Variants in MOB3B observed in about 807,000 individuals in gnomAD.
The protein encoded by MOB3B is MOB kinase activator 3B, also known as MOB kinase activator-like 2B.
A neutral mutation model predicts 18.7 loss-of-function variants in MOB3B; 7 were observed. The observed-to-expected ratio is 0.37, with a 90% confidence interval of 0.21 to 0.70. The LOEUF is 0.70. Ranked by LOEUF, MOB3B falls within the 30% of genes least tolerant of loss-of-function variation. MOB3B has a pLI of 0.52. For missense variants in MOB3B, 253 were observed against 281.3 expected, an observed-to-expected ratio of 0.90 and a Z score of 0.72; for synonymous variants, 111 against 99.9, an observed-to-expected ratio of 1.11 and a Z score of -0.66.
chr9:27,444,560 C>T (rs891787824), intron 2 of MOB3B, among the ~76,000 whole-genome samples: 3 of 152,052 alleles, frequency 2.0e-5, no homozygotes, highest in Non-Finnish European at 4.4e-5. Flanking sequence ...TTATCATTTC[C>T]AGAAAACAGG....
At chr9:27,373,281 T>A (rs1232758434) in intron 2 of MOB3B, among the ~76,000 whole-genome samples, 1 of 152,206 alleles carries the variant, frequency 6.6e-6, no homozygotes, top group Non-Finnish European at 1.5e-5. Context: ...GTCTCTGACA[T>A]GTGATATGAT....
intron 1 of MOB3B, among the ~76,000 whole-genome samples, chr9:27,487,713 C>T (rs963794364): frequency 8.5e-5 from 13 of 152,078 alleles, no homozygotes; most frequent in South Asian, 6.2e-4. Context: ...AGCAAGAGTT[C>T]GAAGATTTTT....
rs113025728 is a variant in MOB3B at position 27,524,617 on chromosome 9, C to A, written c.-199+4938G>T. 1.2e-6 allele frequency: 2 copies of A among 1,614,076 alleles called. No homozygotes were observed. Among genetic ancestry groups the A allele is most frequent in the Non-Finnish European group, 1.7e-6 (2 of 1,179,972 alleles). ...GCCTTCTATGAAATGTCCCTACAGG[C>A]CTTCAACATCTTCAGCCAACACACC... On this transcript the variant is annotated intron_variant, in intron 1 of 3. Coordinates refer to ENST00000262244, the MANE Select transcript of MOB3B (RefSeq NM_024761.5).
intron 3 of MOB3B, among the ~76,000 whole-genome samples, chr9:27,357,382 G>A (rs1051161116): frequency 2.0e-5 from 3 of 151,204 alleles, no homozygotes; most frequent in South Asian, 2.1e-4. Context: ...AACAATTTGC[G>A]CTCAAGCTGT....
chr9:27,420,621 G>A lies in MOB3B; in HGVS notation c.418+34512C>T, dbSNP rs143222484. 7.8e-3 allele frequency among the ~76,000 whole-genome samples: 893 copies of A among 114,604 alleles called. 8 individuals carry two copies. Among genetic ancestry groups the A allele is most frequent in the African/African-American group, 0.028 (815 of 29,176 alleles). The allele number at this position is 114,604 out of a possible 152,430, so 75.2% of individuals were successfully genotyped here. ...TGGAATACTACACAGCCATAAAAAG[G>A]AATGAATTAACAGCATTTGCAGTGA... On this transcript the variant is annotated intron_variant, in intron 2 of 3. Coordinates refer to ENST00000262244, the MANE Select transcript of MOB3B (RefSeq NM_024761.5).
intron 2 of MOB3B, among the ~76,000 whole-genome samples, chr9:27,365,746 A>G (rs1821334223): frequency 2.6e-5 from 4 of 152,156 alleles, no homozygotes; most frequent in Admixed American, 2.6e-4. Flanking sequence ...AAGTGTTCAG[A>G]CTAGTGCTCC....
chr9:27,514,920 G>A (rs1164708710), intron 1 of MOB3B, among the ~76,000 whole-genome samples: 2 of 152,134 alleles, frequency 1.3e-5, no homozygotes, highest in African/African-American at 2.4e-5. Context: ...TAGGGTCTTC[G>A]CTCAGGACAT....
intron 2 of MOB3B, among the ~76,000 whole-genome samples, chr9:27,426,682 C>T (rs1315187432): frequency 1.3e-5 from 2 of 152,076 alleles, no homozygotes. Context: ...ATGACACTGT[C>T]CCCCCCTGCC....
chr9:27,471,024 C>T lies in MOB3B; in HGVS notation c.-198-15276G>A, dbSNP rs534419520. On this transcript the variant is annotated intron_variant, in intron 1 of 3. Coordinates refer to ENST00000262244, the MANE Select transcript of MOB3B (RefSeq NM_024761.5). ...CTTCTCACCCTGAACCATCTGTCCA[C>T]GGACTAACTAGTAAGTTCCCTCTGG... 5.9e-5 allele frequency among the ~76,000 whole-genome samples: 9 copies of T among 152,304 alleles called. No individual in the cohort carries two copies. In the South Asian group the frequency reaches 6.2e-4, roughly 11 times the overall value.
chr9:27,393,997 C>G (rs1342144073), intron 2 of MOB3B: 1 of 152,144 alleles, frequency 6.6e-6, no homozygotes, highest in Non-Finnish European at 1.5e-5. Context: ...AGATGACCAG[C>G]TTTGGCTCAT....
chr9:27,510,237 T>C (rs1416891978), intron 1 of MOB3B, among the ~76,000 whole-genome samples: 1 of 152,248 alleles, frequency 6.6e-6, no homozygotes, highest in Non-Finnish European at 1.5e-5. Flanking sequence ...ATAAAACATT[T>C]GAGTTTTTCG....
intron 1 of MOB3B, among the ~76,000 whole-genome samples, chr9:27,484,625 T>A (rs1162051961): frequency 6.6e-6 from 1 of 152,224 alleles, no homozygotes; most frequent in Non-Finnish European, 1.5e-5. Flanking sequence ...AAAGGCTTCA[T>A]GAATAGCAGT....
intron 2 of MOB3B, among the ~76,000 whole-genome samples, chr9:27,428,270 C>T (rs1415264401): frequency 6.6e-6 from 1 of 152,090 alleles, no homozygotes; most frequent in African/African-American, 2.4e-5. Flanking sequence ...TGCACAGAGA[C>T]CACCTAGGGA....
At chr9:27,485,056 CG>C (rs1819714499) in intron 1 of MOB3B, among the ~76,000 whole-genome samples, 1 of 152,090 alleles carries the variant, frequency 6.6e-6, no homozygotes. Context: ...AAGTGTTTTG[CG>C]TGGCCAGATG....
At chr9:27,450,696 A>C (rs186292341) in intron 2 of MOB3B, among the ~76,000 whole-genome samples, 61 of 152,320 alleles carry the variant, frequency 4.0e-4, no homozygotes, top group African/African-American at 1.1e-3. Context: ...GCATAGGACA[A>C]AGGCACAGAT....
chr9:27,407,714 C>T (rs1379332703), intron 2 of MOB3B, among the ~76,000 whole-genome samples: 1 of 152,146 alleles, frequency 6.6e-6, no homozygotes, highest in African/African-American at 2.4e-5. Flanking sequence ...GAAAATGAAA[C>T]CAGAAACTCC....
intron 2 of MOB3B, among the ~76,000 whole-genome samples, chr9:27,404,323 C>CT (rs1388045952): frequency 4.6e-5 from 4 of 87,098 alleles, no homozygotes; most frequent in Admixed American, 1.0e-4. Flanking sequence ...CATTTTCTTT[C>CT]TTTCTTTCTT....
chr9:27,478,640 CACAG>C (rs1177411405), intron 1 of MOB3B, among the ~76,000 whole-genome samples: 1 of 151,812 alleles, frequency 6.6e-6, no homozygotes, highest in East Asian at 1.9e-4. Context: ...AGGTTATAAA[CACAG>C]AGAGTAAATT....
chr9:27,455,508 A>G lies in MOB3B; in HGVS notation c.43T>C (p.Phe15Leu), dbSNP rs1176354876. 1.9e-6 allele frequency: 3 copies of G among 1,614,164 alleles called. No homozygotes were observed. The highest frequency in any genetic ancestry group is 2.5e-6 in the Non-Finnish European group (3 of 1,180,024). The change falls in exon 2 of 4, where the codon TTC becomes CTC. Residue 15 changes from phenylalanine (F) to leucine (L), a missense_variant. Transcript: ENST00000262244. ...LKQVFNKDKT[F>L]RPKRKFEPGT... ...GGTTCAAATTTCCTCTTGGGTCGGA[A>G]GGTCTTGTCCTTGTTGAATACCTGC...
Sources: allele counts gnomAD v4.1 joint callset (sites outside exome capture counted in the v4.1 genomes callset), GRCh38; gene constraint gnomAD v4.1.1; transcripts MANE v1.5; gene names NCBI Gene and HGNC (gene_info 2026-07-23, HGNC 2026-07-21).